PRAP1: variants seen among roughly 807,000 people sequenced by gnomAD.
The protein encoded by PRAP1 is proline-rich acidic protein 1.
Under a neutral mutation model 14.6 loss-of-function variants are expected in PRAP1, and 12 were observed. The observed-to-expected ratio is 0.82, with a 90% CI of 0.53 to 1.33. The LOEUF is 1.33. Among genes scored for constraint, PRAP1 ranks in the 40% most tolerant of loss-of-function variants. PRAP1 has a pLI of 0.00. For synonymous variants in PRAP1, 81 were observed against 80.3 expected (o/e 1.01, Z -0.04); for missense variants, 160 against 193.7 (o/e 0.83, Z 1.03).
In PRAP1 at chr10:133,352,652, C is replaced by A. The variant is rs748949662; in HGVS notation, c.*212C>A. ...CAGCCTGGGCAACATGGTGAAACCC[C>A]GTCTCTACTAAAAATACAAAAATTA... On this transcript the variant is annotated 3_prime_UTR_variant, in exon 5 of 5. Coordinates refer to ENST00000433452, the MANE Select transcript of PRAP1 (RefSeq NM_145202.5). The A allele has an allele frequency of 5.9e-6, 3 of 508,690 alleles. No homozygotes were observed. The highest frequency in any genetic ancestry group is 3.3e-5 in the East Asian group (1 of 30,060). The allele number at this position is 508,690 out of a possible 1,614,324, so 31.5% of individuals were successfully genotyped here.
rs761277277 is a variant in PRAP1 at position 133,351,467 on chromosome 10, A to G, written c.128+34A>G. ...CCCCAACCCCACCTCCCCACCACCC[A>G]TTCCCTGAAGCTACAGCCCGTTCTG... On this transcript the variant is annotated intron_variant, in intron 3 of 4. Coordinates refer to ENST00000433452, the MANE Select transcript of PRAP1 (RefSeq NM_145202.5). The surrounding 1 kb of genome is among the most constrained non-coding windows in gnomAD (Gnocchi z 4.3). 6.7e-7 allele frequency: 1 copy of G among 1,485,754 alleles called. No homozygotes were observed. The highest frequency in any genetic ancestry group is 1.2e-5 in the South Asian group (1 of 84,080). 92.0% of individuals were successfully genotyped at this position (1,485,754 alleles called of 1,614,324 possible). A position where few individuals can be genotyped will look rare whatever the true frequency, so the allele number is the denominator to read the frequency against.
rs183209936 is a variant in PRAP1 at position 133,352,667 on chromosome 10, T to C, written c.*227T>C. 3 of 464,854 alleles carry C rather than the reference T, an allele frequency of 6.5e-6. No homozygotes were observed. The highest frequency in any genetic ancestry group is 7.6e-5 in the East Asian group (2 of 26,462). The allele number at this position is 464,854 out of a possible 1,614,324, so 28.8% of individuals were successfully genotyped here. ...GGTGAAACCCCGTCTCTACTAAAAA[T>C]ACAAAAATTAGCCGGGTATGGTGCC... On this transcript the variant is annotated 3_prime_UTR_variant, in exon 5 of 5. Coordinates refer to ENST00000433452, the MANE Select transcript of PRAP1 (RefSeq NM_145202.5).
Position 133,349,882 on chromosome 10 carries a change from C to G in PRAP1, c.9-213C>G, listed in dbSNP as rs1405379245. ...GAGTCTGGGGCTGGGGCTGTGGGCT[C>G]TGGCCTGAGGGGGGCTGGAGGCAGG... On this transcript the variant is annotated intron_variant, in intron 1 of 4. Coordinates refer to ENST00000433452, the MANE Select transcript of PRAP1 (RefSeq NM_145202.5). Among the ~76,000 whole-genome samples the G allele has an allele frequency of 3.3e-5, 5 of 152,370 alleles. No homozygotes were observed. The East Asian group carries it at 9.6e-4, about 29-fold the overall frequency.
chr10:133,350,012 C>T, intron 1 of PRAP1, 83 bp from the exon 2 acceptor site: 3 of 1,247,508 alleles, frequency 2.4e-6, no homozygotes, highest in Non-Finnish European at 3.4e-6. Context: ...GCCCAGGCCT[C>T]CCAGCTGCCC....
chr10:133,350,355 G>A (rs978924153), intron 2 of PRAP1, among the ~76,000 whole-genome samples, 194 bp downstream of exon 2: 5 of 152,220 alleles, frequency 3.3e-5, no homozygotes, highest in African/African-American at 1.2e-4. Flanking sequence ...CTTCCCTGGG[G>A]TCAGATGGAC....
Position 133,351,373 on chromosome 10 carries a change from TC to T in PRAP1, c.76-3del, listed in dbSNP as rs1455269285. On this transcript the variant is annotated splice_region_variant and splice_polypyrimidine_tract_variant and intron_variant, in intron 2 of 4. Transcript: ENST00000433452. This position sits in a 1 kb window ranked among gnomAD's most constrained non-coding sequence, Gnocchi z 4.3. ...GTGGCCCAGCCCACACCTGTGACTC[TC>T]CCCCAGGTCCCTATCAAGATGCAAG... The T allele has an allele frequency of 4.3e-6, 7 of 1,609,276 alleles. No homozygotes were observed. Among genetic ancestry groups the T allele is most frequent in the Admixed American group, 1.7e-5 (1 of 59,700 alleles).
Position 133,352,321 on chromosome 10 carries a change from T to C in PRAP1, c.337T>C (p.Tyr113His). Residue 113 changes from tyrosine (Y) to histidine (H), a missense_variant, in exon 5 of 5, where the codon TAC (tyrosine) becomes CAC (histidine). Physicochemically the swap from Tyr to His is moderately conservative, Grantham distance 83 (BLOSUM62 2). Transcript: ENST00000433452. ...TCCCGAGCCCGACCATGACAGCCTG[T>C]ACCACCCTCCGCCTGAGGAGGACCA... ...LSPEPDHDSL[Y>H]HPPPEEDQGE... 6 of 1,613,122 alleles carry C rather than the reference T, an allele frequency of 3.7e-6. No individual in the cohort carries two copies. The highest frequency in any genetic ancestry group is 5.1e-6 in the Non-Finnish European group (6 of 1,179,970).
Position 133,350,137 on chromosome 10 carries a change from G to A in PRAP1, c.51G>A (p.Glu17=), listed in dbSNP as rs752463136. ...GCCTGGTGGTTGTGCTGCTGTGGGA[G>A]GCAGGTGCAGTCCCAGCACCCAAGG... ...VTSLVVVLLW[E]AGAVPAPKVP... is the part of the protein sequence containing the mutation. The change falls in exon 2 of 5, where the codon GAG becomes GAA. Residue 17 remains glutamate, a synonymous_variant. Coordinates refer to ENST00000433452, the MANE Select transcript of PRAP1 (RefSeq NM_145202.5). The A allele has an allele frequency of 1.2e-6, 2 of 1,613,530 alleles. No homozygotes were observed. The highest frequency in any genetic ancestry group is 2.2e-5 in the East Asian group (1 of 44,878).
At chr10:133,349,847 G>A (rs1461657791) in intron 1 of PRAP1, among the ~76,000 whole-genome samples, 1 of 152,230 alleles carries the variant, frequency 6.6e-6, no homozygotes, top group Non-Finnish European at 1.5e-5. Flanking sequence ...TGCCCAGACT[G>A]TGAGGAGCAG....
In PRAP1 at chr10:133,352,669, C is replaced by T. The variant is rs951541985; in HGVS notation, c.*229C>T. ...TGAAACCCCGTCTCTACTAAAAATA[C>T]AAAAATTAGCCGGGTATGGTGCCGG... On this transcript the variant is annotated 3_prime_UTR_variant, in exon 5 of 5. Coordinates refer to ENST00000433452, the MANE Select transcript of PRAP1 (RefSeq NM_145202.5). 2 of 464,490 alleles carry T rather than the reference C, an allele frequency of 4.3e-6. No individual in the cohort carries two copies. Among genetic ancestry groups the T allele is most frequent in the African/African-American group, 4.0e-5 (2 of 50,438 alleles). 28.8% of individuals were successfully genotyped at this position (464,490 alleles called of 1,614,324 possible).
rs1209712631 is a variant in PRAP1, at chr10:133,351,223, A to G, written c.76-158A>G. On this transcript the variant is annotated intron_variant, in intron 2 of 4. Transcript: ENST00000433452. The surrounding 1 kb of genome is among the most constrained non-coding windows in gnomAD (Gnocchi z 4.3). ...CCCAACACCCGAGAGTGGCTTGCCC[A>G]CTAGAGACGCTCGAGCTGTGCTGAG... is the stretch of plus-strand genomic sequence containing the variant. Among the ~76,000 whole-genome samples, 1 of 151,558 alleles carries G rather than the reference A, an allele frequency of 6.6e-6. No homozygotes were observed. Among genetic ancestry groups the G allele is most frequent in the Non-Finnish European group, 1.5e-5 (1 of 67,730 alleles).
rs1433048225 is a variant in PRAP1 at position 133,352,425 on chromosome 10, C to A, written c.441C>A (p.Ile147=). 6.2e-7 allele frequency: 1 copy of A among 1,612,606 alleles called. No homozygotes were observed. Among genetic ancestry groups the A allele is most frequent in the South Asian group, 1.1e-5 (1 of 91,066 alleles). Reference sequence around the variant, plus strand: ...GACCGGAGGAAGACCAAGACCACATCTACCACCCCCAGTAGGGCTCCAGGG... The same window carrying A: ...GACCGGAGGAAGACCAAGACCACATATACCACCCCCAGTAGGGCTCCAGGG... The part of the protein sequence containing the change: ...LLGPEEDQDH[I]YHPQ The change falls in exon 5 of 5, where the codon ATC becomes ATA. Residue 147 remains isoleucine, a synonymous_variant. Coordinates refer to ENST00000433452, the MANE Select transcript of PRAP1 (RefSeq NM_145202.5).
At chr10:133,349,174 C>T (rs1848634451) in intron 1 of PRAP1, among the ~76,000 whole-genome samples, 1 of 151,326 alleles carries the variant, frequency 6.6e-6, no homozygotes, top group Non-Finnish European at 1.5e-5. Flanking sequence ...CACACCCACC[C>T]CCAAACCCTT....
intron 1 of PRAP1, among the ~76,000 whole-genome samples, chr10:133,348,976 G>A (rs541891573): frequency 6.6e-6 from 1 of 152,000 alleles, no homozygotes; most frequent in South Asian, 2.1e-4. Context: ...ACCCTTGACT[G>A]CAGCCCTGCT....
At chr10:133,348,338 G>C (rs540506780) in intron 1 of PRAP1, among the ~76,000 whole-genome samples, 1 of 152,114 alleles carries the variant, frequency 6.6e-6, no homozygotes, top group African/African-American at 2.4e-5. Flanking sequence ...CGGGCTGTCC[G>C]GGGCATCCCC....
rs116444807 is a variant in PRAP1, at chr10:133,350,505, G to T, written c.75+344G>T. Reference sequence around the variant, plus strand: ...GGTGGGCCCGGATGACACCCACGTGGTCCCAAGTGGAACAGGTGATCCCAG... The same window carrying T: ...GGTGGGCCCGGATGACACCCACGTGTTCCCAAGTGGAACAGGTGATCCCAG... On this transcript the variant is annotated intron_variant, in intron 2 of 4. Coordinates refer to ENST00000433452, the MANE Select transcript of PRAP1 (RefSeq NM_145202.5). 2.3e-3 allele frequency: 602 copies of T among 265,174 alleles called. 6 individuals carry two copies. The highest frequency in any genetic ancestry group is 0.012 in the African/African-American group (568 of 46,056). The allele number at this position is 265,174 out of a possible 1,614,324, so 16.4% of individuals were successfully genotyped here.
In PRAP1 at chr10:133,352,127, C is replaced by G. The variant is rs1382962947; in HGVS notation, c.249C>G (p.Gly83=). The part of the protein sequence containing the change: ...TEEKPRGQGR[G]PILPGTKAWM... ...AGAAGCCACGAGGTCAGGGCAGGGG[C>G]CCCATCCTTCCAGGTGGGCACAAGG... Residue 83 remains glycine (G), a synonymous_variant, in exon 4 of 5, where the codon GGC becomes GGG. Coordinates refer to ENST00000433452, the MANE Select transcript of PRAP1 (RefSeq NM_145202.5). 2.5e-6 allele frequency: 4 copies of G among 1,612,936 alleles called. No individual in the cohort carries two copies. The South Asian group carries it at 4.4e-5, about 18-fold the overall frequency.
Position 133,351,937 on chromosome 10 carries a change from G to A in PRAP1, c.129-70G>A. 6.4e-7 allele frequency: 1 copy of A among 1,563,210 alleles called. No individual in the cohort carries two copies. ...TGGAGTGGCTGCCCTGGGATGGTGG[G>A]CACCCTCCTGCGGGGGGTTCTGTCC... On this transcript the variant is annotated intron_variant, in intron 3 of 4. Transcript: ENST00000433452. This position sits in a 1 kb window ranked among gnomAD's most constrained non-coding sequence, Gnocchi z 4.3.
In PRAP1 at chr10:133,351,321, C is replaced by T. The variant is rs751586458; in HGVS notation, c.76-60C>T. ...CAGGTGGGCCTCGGAGCAACCTCTCCCCAGGTGTCCTCCACCCGCGTGGAC... is the reference window on the plus strand; with the variant it reads ...CAGGTGGGCCTCGGAGCAACCTCTCTCCAGGTGTCCTCCACCCGCGTGGAC... On this transcript the variant is annotated intron_variant, in intron 2 of 4. Coordinates refer to ENST00000433452, the MANE Select transcript of PRAP1 (RefSeq NM_145202.5). This position sits in a 1 kb window ranked among gnomAD's most constrained non-coding sequence, Gnocchi z 4.3. The T allele has an allele frequency of 2.9e-4, 430 of 1,464,526 alleles. No individual in the cohort carries two copies. The highest frequency in any genetic ancestry group is 3.8e-4 in the Non-Finnish European group (403 of 1,059,994). 90.7% of individuals were successfully genotyped at this position (1,464,526 alleles called of 1,614,324 possible).
Sources: gnomAD v4.1 joint callset for allele counts (sites outside exome capture counted in the v4.1 genomes callset) on GRCh38, gnomAD v4.1.1 for gene constraint, Gnocchi (gnomAD v3.1) non-coding constraint, MANE v1.5 for transcripts, NCBI Gene and HGNC (gene_info 2026-07-23, HGNC 2026-07-21) for gene names.